LIG3: variants seen among roughly 807,000 people sequenced by gnomAD.
LIG3 encodes ligase II, DNA, ATP-dependent.
A neutral mutation model predicts 110.9 loss-of-function variants in LIG3; 58 were observed. That is an observed-to-expected ratio of 0.52 (90% CI 0.42 to 0.65). The LOEUF (loss-of-function observed/expected upper bound fraction) is 0.65, where lower values mean the gene tolerates loss of function less well. Among genes scored for constraint, LIG3 ranks in the 30% least tolerant of loss-of-function variants. The pLI is 0.00. For missense variants in LIG3, 1,094 were observed against 1,273.8 expected, an observed-to-expected ratio of 0.86 and a Z score of 2.15; for synonymous variants, 422 against 472.8, an observed-to-expected ratio of 0.89 and a Z score of 1.39.
At chr17:34,982,497 G>A (rs2090606928) in intron 1 of LIG3, among the ~76,000 whole-genome samples, 1 of 151,876 alleles carries the variant, frequency 6.6e-6, no homozygotes, top group African/African-American at 2.4e-5. Flanking sequence ...ATACAAAAAA[G>A]TTAGCCGGGC....
rs762809759 is a variant in LIG3, at chr17:34,990,977, G to A, written c.904G>A (p.Asp302Asn). The change falls in exon 5 of 20, where the codon GAT (aspartate) becomes AAT (asparagine). Residue 302 changes from aspartate to asparagine, a missense_variant. Asp to Asn is a conservative substitution (Grantham distance 23). Transcript: ENST00000378526. ...TCTGTCTCCAGATGGTTTCCACGGT[G>A]ATGTGTACCTAACAGTGAAGCTGCT... Reference protein sequence around the residue: ...KGSAGDGFHGDVYLTVKLLLP... With the variant: ...KGSAGDGFHGNVYLTVKLLLP... 1 of 1,614,108 alleles carries A rather than the reference G, an allele frequency of 6.2e-7. No homozygotes were observed. The highest frequency in any genetic ancestry group is 2.2e-5 in the East Asian group (1 of 44,884).
chr17:35,009,778 T>G (rs1000832550), downstream of LIG3: 3 of 152,632 alleles, frequency 2.0e-5, no homozygotes, highest in Non-Finnish European at 4.4e-5. Flanking sequence ...GAGGTAAGGC[T>G]TCAGCAGAGA....
intron 2 of LIG3, among the ~76,000 whole-genome samples, chr17:34,984,256 C>T (rs1443314297): frequency 1.3e-5 from 2 of 152,162 alleles, no homozygotes; most frequent in Admixed American, 1.3e-4. Context: ...CTTTGGCCTC[C>T]TTTAATCTGA....
chr17:34,996,888 C>G, intron 11 of LIG3: 1 of 489,708 alleles, frequency 2.0e-6, no homozygotes. Flanking sequence ...TTGACTCCAT[C>G]TCTTCTCTGA....
At chr17:35,001,235 C>T in intron 16 of LIG3, 22 bp from the exon 17 acceptor site, 1 of 1,611,582 alleles carries the variant, frequency 6.2e-7, no homozygotes. Flanking sequence ...CCAGTGATGA[C>T]CTGCTGGCTT....
At position 35,006,818 on chromosome 17, in the gene LIG3, C is replaced by G. The variant is rs1340597146; in HGVS notation, c.*2312C>G. 6.6e-6 allele frequency: 1 copy of G among 152,464 alleles called. No homozygotes were observed. The highest frequency in any genetic ancestry group is 1.5e-5 in the Non-Finnish European group (1 of 68,386). The allele number at this position is 152,464 out of a possible 1,614,324, so 9.4% of individuals were successfully genotyped here. On this transcript the variant is annotated 3_prime_UTR_variant, in exon 20 of 20. Coordinates refer to ENST00000378526, the MANE Select transcript of LIG3 (RefSeq NM_013975.4). ...GCGCCCCCTGGCCACCCCACCGCCC[C>G]CCCCCAACTTTGATCTGATTGACTT...
chr17:34,990,907 T>G, intron 4 of LIG3, 56 bp from the exon 5 acceptor site: 1 of 1,561,484 alleles, frequency 6.4e-7, no homozygotes, highest in Non-Finnish European at 8.8e-7. Flanking sequence ...TTCTTTGAGT[T>G]TATATATTTA....
chr17:34,992,623 G>C lies in LIG3; in HGVS notation c.1386G>C (p.Glu462Asp). Residue 462 changes from glutamate to aspartate, a missense_variant, in exon 8 of 20, where the codon GAG becomes GAC. Transcript: ENST00000378526. The stretch of plus-strand genomic sequence containing the variant: ...TCCTTCACAACGCGCAGGAGGTGGA[G>C]AAGGAGCCGGGCCAGAGACGAGCTC... ...ERVLHNAQEV[E>D]KEPGQRRALS... 6.2e-7 allele frequency: 1 copy of C among 1,613,902 alleles called. No homozygotes were observed. Among genetic ancestry groups the C allele is most frequent in the Non-Finnish European group, 8.5e-7 (1 of 1,179,910 alleles).
At chr17:34,986,178 T>G (rs1158197677) in intron 3 of LIG3, 47 bp downstream of exon 3, 3 of 1,577,556 alleles carry the variant, frequency 1.9e-6, no homozygotes, top group Non-Finnish European at 2.6e-6. Context: ...CTGCTTTTAT[T>G]TTGTATTCTA....
rs1252745203 is a variant in LIG3, at chr17:35,008,969, A to G, written c.*4463A>G. 1 of 152,162 alleles carries G rather than the reference A, an allele frequency of 6.6e-6. No homozygotes were observed. The highest frequency in any genetic ancestry group is 1.5e-5 in the Non-Finnish European group (1 of 68,044). 9.4% of individuals were successfully genotyped at this position (152,162 alleles called of 1,614,324 possible). On this transcript the variant is annotated 3_prime_UTR_variant, in exon 20 of 20. Coordinates refer to ENST00000378526, the MANE Select transcript of LIG3 (RefSeq NM_013975.4). ...TTAAGTAGAGACAAGGTCTCACTACATTGCCCAGGTTGGTCTCAAACTCCT... is the reference window on the plus strand; with the variant it reads ...TTAAGTAGAGACAAGGTCTCACTACGTTGCCCAGGTTGGTCTCAAACTCCT...
chr17:35,010,582 TCTC>T (rs1165572742), downstream of LIG3: 1 of 151,972 alleles, frequency 6.6e-6, no homozygotes, highest in African/African-American at 2.4e-5. Context: ...TAAAACCCCG[TCTC>T]TACTAAAAAT....
In LIG3 at chr17:34,991,515, TG is replaced by T. The variant is rs2090720537; in HGVS notation, c.1042-154del. On this transcript the variant is annotated intron_variant, in intron 5 of 19. Transcript: ENST00000378526. ...AGTTTCCATCCCCTTCTAGGAATTG[TG>T]GATGGGCTAGTGTCTCTAAGAAGTG... 4 of 696,212 alleles carry T rather than the reference TG, an allele frequency of 5.7e-6. No individual in the cohort carries two copies. The Admixed American group carries it at 8.5e-5, about 15-fold the overall frequency. 43.1% of individuals were successfully genotyped at this position (696,212 alleles called of 1,614,324 possible). A position where few individuals can be genotyped will look rare whatever the true frequency, so the allele number is the denominator to read the frequency against.
chr17:34,981,970 C>G (rs1567683726), intron 1 of LIG3, among the ~76,000 whole-genome samples: 1 of 152,192 alleles, frequency 6.6e-6, no homozygotes, highest in African/African-American at 2.4e-5. Flanking sequence ...CATCGGAAGC[C>G]TCTTCTTGAA....
rs1597793262 is a variant in LIG3, at chr17:34,989,536, T to C, written c.762T>C (p.Cys254=). ...TPKRSLSSSK[C]DPRHKDCLLR... Reference sequence around the variant, plus strand: ...AGAGAAGTCTGTCTTCAAGCAAATGTGACCCCAGGCATAAGGACTGTCTGC... The same window carrying C: ...AGAGAAGTCTGTCTTCAAGCAAATGCGACCCCAGGCATAAGGACTGTCTGC... Residue 254 remains cysteine, a synonymous_variant, in exon 4 of 20, where the codon TGT becomes TGC. Coordinates refer to ENST00000378526, the MANE Select transcript of LIG3 (RefSeq NM_013975.4). 6.2e-7 allele frequency: 1 copy of C among 1,614,104 alleles called. No individual in the cohort carries two copies. The highest frequency in any genetic ancestry group is 2.2e-5 in the East Asian group (1 of 44,850).
At chr17:34,980,768 G>A (rs1349074376) in intron 1 of LIG3, 146 bp downstream of exon 1, 2 of 286,680 alleles carry the variant, frequency 7.0e-6, no homozygotes, top group Non-Finnish European at 5.2e-6. Flanking sequence ...CACACCCTCC[G>A]TGACGTGGCG....
chr17:34,982,898 A>G, intron 1 of LIG3, 104 bp from the exon 2 acceptor site: 1 of 782,326 alleles, frequency 1.3e-6, no homozygotes, highest in Non-Finnish European at 2.0e-6. Context: ...GTGTTTGATT[A>G]GTCATCATGG....
At chr17:34,983,700 A>G (rs1373344537) in intron 2 of LIG3, 148 bp downstream of exon 2, 2 of 816,712 alleles carry the variant, frequency 2.4e-6, no homozygotes, top group South Asian at 3.8e-5. Flanking sequence ...TTAATGTTGC[A>G]TTCGTAGCTC....
At chr17:34,989,315 G>A (rs2090692084) in intron 3 of LIG3, 151 bp from the exon 4 acceptor site, 2 of 687,506 alleles carry the variant, frequency 2.9e-6, no homozygotes, top group Non-Finnish European at 4.9e-6. Flanking sequence ...TTCTTTATCT[G>A]TAAGATGGAT....
In LIG3 at chr17:35,004,501, T is replaced by A; in HGVS notation, c.3025T>A (p.Cys1009Ser). ...CCGGAAACGGAGACTGGTAGCTCCCTGCTAGGTTTGCTGTCTTCCCTCTCC... is the reference window on the plus strand; with the variant it reads ...CCGGAAACGGAGACTGGTAGCTCCCAGCTAGGTTTGCTGTCTTCCCTCTCC... ...CIRKRRLVAP[C>S] The change falls in exon 20 of 20, where the codon TGC (cysteine) becomes AGC (serine). Residue 1009 changes from cysteine (C) to serine (S), a missense_variant. Transcript: ENST00000378526. 1.9e-6 allele frequency: 3 copies of A among 1,612,634 alleles called. No homozygotes were observed. Among genetic ancestry groups the A allele is most frequent in the Non-Finnish European group, 2.5e-6 (3 of 1,178,732 alleles).
Sources: gnomAD v4.1 joint callset for allele counts (sites outside exome capture counted in the v4.1 genomes callset) on GRCh38, gnomAD v4.1.1 for gene constraint, MANE v1.5 for transcripts, NCBI Gene and HGNC (gene_info 2026-07-23, HGNC 2026-07-21) for gene names.